The following RREB1 variants were observed in gnomAD, a reference collection of about 807,000 sequenced individuals.
RREB1 encodes the protein ras-responsive element-binding protein 1.
A neutral mutation model predicts 117.8 loss-of-function variants in RREB1; 27 were observed. That is an observed-to-expected ratio of 0.23 (90% CI 0.17 to 0.32). RREB1 has a LOEUF of 0.32. Among genes scored for constraint, RREB1 ranks in the 10% least tolerant of loss-of-function variants. The pLI is 1.00. For synonymous variants in RREB1, 1,298 were observed against 1,026.7 expected (o/e 1.26, Z -5.05); for missense variants, 2,577 against 2,378.2 (o/e 1.08, Z -1.74).
rs145465865 is a variant in RREB1, at chr6:7,226,514, G to A, written c.755G>A (p.Arg252His). ...TTTCGAACACATCGAGGACTGCTGC[G>A]TCACAACGCGCTTGTCCACAAACAA... is the stretch of plus-strand genomic sequence containing the variant. ...VTFRTHRGLLRHNALVHKQLP... is the reference protein window; with the variant it reads ...VTFRTHRGLLHHNALVHKQLP... The change falls in exon 9 of 13, where the codon CGT becomes CAT. Residue 252 changes from arginine to histidine, a missense_variant. Coordinates refer to ENST00000379938, the MANE Select transcript of RREB1 (RefSeq NM_001003699.4). 55 of 1,613,930 alleles carry A rather than the reference G, an allele frequency of 3.4e-5. 1 individual carries two copies. The highest frequency in any genetic ancestry group is 1.2e-4 in the South Asian group (11 of 91,064).
chr6:7,166,937 A>G (rs9379077), intron 1 of RREB1, among the ~76,000 whole-genome samples: 34,144 of 152,052 alleles, frequency 0.22, 4,095 homozygotes, highest in East Asian at 0.32. Context: ...GCAAACTGCT[A>G]CTGAACTTTA....
rs543967515 is a variant in RREB1, at chr6:7,178,347, A to G, written c.-166+1574A>G. Among the ~76,000 whole-genome samples, 7 of 152,248 alleles carry G rather than the reference A, an allele frequency of 4.6e-5. No individual in the cohort carries two copies. The South Asian group carries it at 1.5e-3, about 32-fold the overall frequency. On this transcript the variant is annotated intron_variant, in intron 2 of 12. Coordinates refer to ENST00000379938, the MANE Select transcript of RREB1 (RefSeq NM_001003699.4). Reference sequence around the variant, plus strand: ...CCCGAGATTGAGTATCAGAGGGTTTAGGTTGGTTAGTTTGGGCTGTTGTTC... The same window carrying G: ...CCCGAGATTGAGTATCAGAGGGTTTGGGTTGGTTAGTTTGGGCTGTTGTTC...
chr6:7,108,361 T>C (rs1398500033), intron 1 of RREB1, among the ~76,000 whole-genome samples: 2 of 150,588 alleles, frequency 1.3e-5, no homozygotes, highest in Non-Finnish European at 3.0e-5. Context: ...CTCTTTTCCC[T>C]TTCCCGAGCC....
At chr6:7,239,965 C>CT (rs1397726887) in intron 10 of RREB1, among the ~76,000 whole-genome samples, 1 of 152,208 alleles carries the variant, frequency 6.6e-6, no homozygotes. Flanking sequence ...CTGTCCCTGA[C>CT]TTCTTCTCTT....
In RREB1 at chr6:7,229,601, T is replaced by C. The variant is rs1160449448; in HGVS notation, c.1502T>C (p.Phe501Ser). 6.2e-7 allele frequency: 1 copy of C among 1,612,222 alleles called. No individual in the cohort carries two copies. Among genetic ancestry groups the C allele is most frequent in the African/African-American group, 1.3e-5 (1 of 74,876 alleles). ...KAPAAPLQAI[F>S]KHMPPLKPKP... ...CCTGCCGCCCCACTGCAGGCGATCT[T>C]CAAGCACATGCCCCCTCTGAAGCCA... The change falls in exon 10 of 13, where the codon TTC (phenylalanine) becomes TCC (serine). Residue 501 changes from phenylalanine to serine, a missense_variant. Physicochemically the swap from Phe to Ser is radical, Grantham distance 155 (BLOSUM62 -2). Coordinates refer to ENST00000379938, the MANE Select transcript of RREB1 (RefSeq NM_001003699.4). The surrounding 1 kb of genome is among the most constrained non-coding windows in gnomAD (Gnocchi z 4.5).
At chr6:7,158,191 C>G (rs1462489426) in intron 1 of RREB1, among the ~76,000 whole-genome samples, 1 of 152,126 alleles carries the variant, frequency 6.6e-6, no homozygotes. Context: ...CCATTTAGTG[C>G]CCCAGGACAC....
chr6:7,154,617 T>C (rs1269769383), intron 1 of RREB1, among the ~76,000 whole-genome samples: 4 of 152,218 alleles, frequency 2.6e-5, no homozygotes, highest in Admixed American at 2.0e-4. Context: ...GTATTATTAT[T>C]GTCTCCATCT....
chr6:7,246,948 C>G lies in RREB1; in HGVS notation c.4498C>G (p.Pro1500Ala), dbSNP rs1233706327. The G allele has an allele frequency of 9.0e-6, 14 of 1,557,780 alleles. No homozygotes were observed. Among genetic ancestry groups the G allele is most frequent in the East Asian group, 2.4e-5 (1 of 41,446 alleles). ...PQPAPEQEEKPPETPAEVVES... is the reference protein window; with the variant it reads ...PQPAPEQEEKAPETPAEVVES... Reference sequence around the variant, plus strand: ...GCCCGCCCCTGAACAGGAGGAGAAGCCCCCCGAGACCCCGGCAGAGGTGGT... The same window carrying G: ...GCCCGCCCCTGAACAGGAGGAGAAGGCCCCCGAGACCCCGGCAGAGGTGGT... Residue 1500 changes from proline to alanine, a missense_variant, in exon 12 of 13, where the codon CCC (proline) becomes GCC (alanine). Physicochemically the swap from Pro to Ala is conservative, Grantham distance 27. Transcript: ENST00000379938.
intron 1 of RREB1, among the ~76,000 whole-genome samples, chr6:7,127,127 G>A (rs577930884): frequency 8.0e-4 from 121 of 152,132 alleles, no homozygotes; most frequent in Non-Finnish European, 1.5e-3. Context: ...GGGCTTAGGC[G>A]TGTTGTATTG....
intron 1 of RREB1, among the ~76,000 whole-genome samples, chr6:7,119,056 A>G (rs1392690353): frequency 6.6e-6 from 1 of 151,718 alleles, no homozygotes; most frequent in African/African-American, 2.4e-5. Flanking sequence ...GTTTACTGGT[A>G]TGGGAAAGAT....
intron 1 of RREB1, among the ~76,000 whole-genome samples, chr6:7,162,741 C>G (rs1318240988): frequency 6.6e-6 from 1 of 152,126 alleles, no homozygotes; most frequent in Non-Finnish European, 1.5e-5. Flanking sequence ...TTTTCTCTGC[C>G]TACGGATTGG....
At chr6:7,215,955 C>T (rs574244101) in intron 8 of RREB1, 2 of 152,110 alleles carry the variant, frequency 1.3e-5, no homozygotes, top group African/African-American at 4.8e-5. Context: ...GTGAAGAAGG[C>T]CCAAGGGCGG....
In RREB1 at chr6:7,246,836, C is replaced by G. The variant is rs1327331235; in HGVS notation, c.4386C>G (p.Thr1462=). 3 of 1,553,224 alleles carry G rather than the reference C, an allele frequency of 1.9e-6. No homozygotes were observed. Among genetic ancestry groups the G allele is most frequent in the Non-Finnish European group, 1.7e-6 (2 of 1,148,708 alleles). ...GGAAGAGCTTCAAGTTCCTGGGCAC[C>G]CTGAGCCGCCACCGGAAGGCGCACG... The part of the protein sequence containing the change: ...TCGKSFKFLG[T]LSRHRKAHGR... Residue 1462 remains threonine (T), a synonymous_variant, in exon 12 of 13, where the codon ACC becomes ACG. Transcript: ENST00000379938.
chr6:7,163,126 C>A (rs1393589509), intron 1 of RREB1, among the ~76,000 whole-genome samples: 1 of 152,326 alleles, frequency 6.6e-6, no homozygotes, highest in East Asian at 1.9e-4. Flanking sequence ...AAGGACTATT[C>A]TTCCCTTGAT....
chr6:7,171,364 G>A (rs1248384131), intron 1 of RREB1, among the ~76,000 whole-genome samples: 3 of 152,178 alleles, frequency 2.0e-5, no homozygotes, highest in Non-Finnish European at 4.4e-5. Context: ...AAAGCCAGGT[G>A]CAGAGCATCT....
At chr6:7,181,314 T>G in intron 3 of RREB1, 68 bp downstream of exon 3, 1 of 399,866 alleles carries the variant, frequency 2.5e-6, no homozygotes, top group Non-Finnish European at 4.4e-6. Flanking sequence ...TTATACATAT[T>G]TTTTAAGAAA....
chr6:7,153,413 T>C lies in RREB1; in HGVS notation c.-284-23242T>C, dbSNP rs939555980. On this transcript the variant is annotated intron_variant, in intron 1 of 12. Transcript: ENST00000379938. Reference sequence around the variant, plus strand: ...AAGTCAAGGGATTCCAGTAGTGGTATACACACACACACACACACACACACA... The same window carrying C: ...AAGTCAAGGGATTCCAGTAGTGGTACACACACACACACACACACACACACA... 3.5e-3 allele frequency among the ~76,000 whole-genome samples: 514 copies of C among 145,832 alleles called. 1 individual carries two copies. Among genetic ancestry groups the C allele is most frequent in the Non-Finnish European group, 5.6e-3 (370 of 66,208 alleles).
intron 10 of RREB1, among the ~76,000 whole-genome samples, chr6:7,237,877 GC>G (rs1768440413): frequency 6.6e-6 from 1 of 152,164 alleles, no homozygotes; most frequent in African/African-American, 2.4e-5. Context: ...GTAGTTTGAT[GC>G]AATACTTTCA....
intron 2 of RREB1, among the ~76,000 whole-genome samples, chr6:7,177,161 G>A (rs1244395433): frequency 1.4e-5 from 2 of 146,400 alleles, no homozygotes; most frequent in Non-Finnish European, 3.0e-5. Context: ...AGAGGTTGCA[G>A]TGAGCTGAGA....
Sources: allele counts gnomAD v4.1 joint callset (sites outside exome capture counted in the v4.1 genomes callset), GRCh38; gene constraint gnomAD v4.1.1; non-coding constraint Gnocchi (gnomAD v3.1); transcripts MANE v1.5; gene names NCBI Gene and HGNC (gene_info 2026-07-23, HGNC 2026-07-21).